Variants in SPINK5 observed in about 807,000 individuals in gnomAD.
SPINK5 encodes serine peptidase inhibitor Kazal type 5.
SPINK5 carries 125 observed loss-of-function variants against 151.8 expected under a neutral mutation model. That is an observed-to-expected ratio of 0.82 (90% CI 0.71 to 0.96). The LOEUF is 0.96. Among genes scored for constraint, SPINK5 ranks in the 40% least tolerant of loss-of-function variants. SPINK5 has a pLI of 0.00. For missense variants in SPINK5, 1,194 were observed against 1,291.9 expected (o/e 0.92, Z 1.16); for synonymous variants, 374 against 395.3 (o/e 0.95, Z 0.64).
chr5:148,107,105 T>G lies in SPINK5; in HGVS notation c.1548T>G (p.Pro516=), dbSNP rs747774853. ...GTLICTREHN[P]VRGPDGKMHG... is the part of the protein sequence containing the mutation. ...TTATATGCACCAGGGAGCATAATCC[T>G]GTCCGTGGCCCAGATGGCAAAATGC... Residue 516 remains proline (P), a synonymous_variant, in exon 17 of 33, where the codon CCT becomes CCG. Coordinates refer to ENST00000256084, the MANE Select transcript of SPINK5 (RefSeq NM_006846.4). 5.6e-6 allele frequency: 9 copies of G among 1,613,362 alleles called. No homozygotes were observed. Among genetic ancestry groups the G allele is most frequent in the Non-Finnish European group, 7.6e-6 (9 of 1,179,612 alleles).
chr5:148,110,976 C>CAAAAT (rs928368731), intron 18 of SPINK5, among the ~76,000 whole-genome samples: 1 of 151,772 alleles, frequency 6.6e-6, no homozygotes, highest in African/African-American at 2.4e-5. Context: ...TAAAATAAAA[C>CAAAAT]AAAATAAAAT....
intron 16 of SPINK5, 53 bp from the exon 17 acceptor site, chr5:148,106,984 G>T: frequency 1.9e-6 from 3 of 1,601,386 alleles, no homozygotes; most frequent in Non-Finnish European, 8.5e-7. Flanking sequence ...AATAGGAAAA[G>T]ATGCAGGAAG....
chr5:148,110,202 A>G (rs1753888997), intron 18 of SPINK5, among the ~76,000 whole-genome samples: 1 of 152,196 alleles, frequency 6.6e-6, no homozygotes, highest in Non-Finnish European at 1.5e-5. Flanking sequence ...AAACTTATTA[A>G]TGTATAACAG....
intron 5 of SPINK5, 131 bp downstream of exon 5, chr5:148,086,663 C>A: frequency 8.6e-7 from 1 of 1,167,854 alleles, no homozygotes; most frequent in Non-Finnish European, 1.2e-6. Context: ...ATTATTAGTA[C>A]CACTTCTTTT....
At chr5:148,113,729 TGTA>T (rs1422169592) in intron 20 of SPINK5, among the ~76,000 whole-genome samples, 1 of 127,922 alleles carries the variant, frequency 7.8e-6, no homozygotes, top group East Asian at 3.0e-4. Flanking sequence ...ATTGCACAGT[TGTA>T]ATAATTCTAA....
At chr5:148,069,568 G>A (rs1413831774) in intron 2 of SPINK5, among the ~76,000 whole-genome samples, 2 of 152,094 alleles carry the variant, frequency 1.3e-5, no homozygotes, top group African/African-American at 2.4e-5. Context: ...GATTCTGATG[G>A]TAGTGATAGT....
rs750103232 is a variant in SPINK5 at position 148,101,404 on chromosome 5, A to G, written c.1270A>G (p.Lys424Glu). The G allele has an allele frequency of 1.2e-6, 2 of 1,612,064 alleles. No homozygotes were observed. Among genetic ancestry groups the G allele is most frequent in the Admixed American group, 1.7e-5 (1 of 59,960 alleles). ...AAAGAAGGAAGGTAAATCAAGAAACAAAAGACAATCTAAGAGTACAGCTTC... is the reference window on the plus strand; with the variant it reads ...AAAGAAGGAAGGTAAATCAAGAAACGAAAGACAATCTAAGAGTACAGCTTC... ...KKKKEGKSRN[K>E]RQSKSTASFE... Residue 424 changes from lysine (K) to glutamate (E), a missense_variant, in exon 14 of 33, where the codon AAA (lysine) becomes GAA (glutamate). Coordinates refer to ENST00000256084, the MANE Select transcript of SPINK5 (RefSeq NM_006846.4).
chr5:148,133,134 C>G (rs1013310897), intron 31 of SPINK5, among the ~76,000 whole-genome samples: 7 of 152,018 alleles, frequency 4.6e-5, no homozygotes, highest in Admixed American at 4.6e-4. Flanking sequence ...GTTTGTTTAG[C>G]TAAGGGAGCT....
Position 148,107,395 on chromosome 5 carries a change from GT to G in SPINK5, c.1607+240del, listed in dbSNP as rs757703536. ...TCAAGGGAAAAAGCTCAATTTAATG[GT>G]TTTTTTTTAACACTTGATAATCTTC... On this transcript the variant is annotated intron_variant, in intron 17 of 32. Coordinates refer to ENST00000256084, the MANE Select transcript of SPINK5 (RefSeq NM_006846.4). Among the ~76,000 whole-genome samples, 969 of 151,184 alleles carry G rather than the reference GT, an allele frequency of 6.4e-3. 10 individuals are homozygous for G. The highest frequency in any genetic ancestry group is 0.021 in the African/African-American group (873 of 41,220).
intron 2 of SPINK5, 88 bp from the exon 3 acceptor site, chr5:148,070,235 A>ATATATGTATATGTCTG: frequency 6.8e-7 from 1 of 1,462,544 alleles, no homozygotes; most frequent in Non-Finnish European, 9.4e-7. Context: ...ATATATGCAG[A>ATATATGTATATGTCTG]CATATACATA....
At chr5:148,087,933 C>A (rs1388484770) in intron 5 of SPINK5, among the ~76,000 whole-genome samples, 1 of 151,202 alleles carries the variant, frequency 6.6e-6, no homozygotes, top group African/African-American at 2.4e-5. Context: ...TAGTTTTTTT[C>A]TTTATATTGT....
chr5:148,064,459 A>T (rs1752525105), intron 1 of SPINK5, among the ~76,000 whole-genome samples: 1 of 152,180 alleles, frequency 6.6e-6, no homozygotes, highest in Admixed American at 6.5e-5. Flanking sequence ...TTAATTGTAA[A>T]TAATATATGT....
intron 12 of SPINK5, 28 bp from the exon 13 acceptor site, chr5:148,100,425 TG>T: frequency 6.2e-7 from 1 of 1,603,022 alleles, no homozygotes; most frequent in Non-Finnish European, 8.5e-7. Flanking sequence ...ATGAAATATA[TG>T]GCCAACTTAC....
chr5:148,070,273 C>G (rs766484878), intron 2 of SPINK5, 50 bp from the exon 3 acceptor site: 2 of 1,596,902 alleles, frequency 1.3e-6, no homozygotes, highest in Admixed American at 3.4e-5. Flanking sequence ...CAAAATAAAG[C>G]TTGTTTTGAT....
At chr5:148,073,093 G>A (rs1269860101) in intron 4 of SPINK5, among the ~76,000 whole-genome samples, 1 of 151,868 alleles carries the variant, frequency 6.6e-6, no homozygotes, top group African/African-American at 2.4e-5. Context: ...ATGGGTTACT[G>A]ACAAAGCTGG....
intron 4 of SPINK5, among the ~76,000 whole-genome samples, chr5:148,078,147 A>G (rs919872215): frequency 1.3e-5 from 2 of 151,244 alleles, no homozygotes; most frequent in Admixed American, 1.3e-4. Flanking sequence ...AGGATTGGCT[A>G]TATTAATATG....
intron 4 of SPINK5, among the ~76,000 whole-genome samples, chr5:148,083,596 T>C (rs1436595558): frequency 6.6e-6 from 1 of 151,556 alleles, no homozygotes; most frequent in Non-Finnish European, 1.5e-5. Flanking sequence ...TCTGTGTCTA[T>C]TGTCAATTTC....
intron 18 of SPINK5, 114 bp from the exon 19 acceptor site, chr5:148,111,654 C>T (rs1427959717): frequency 8.6e-6 from 13 of 1,507,312 alleles, no homozygotes; most frequent in South Asian, 3.5e-5. Context: ...CAACCTTCAG[C>T]ATCACCTTTT....
intron 16 of SPINK5, 84 bp from the exon 17 acceptor site, chr5:148,106,953 T>A: frequency 2.5e-6 from 4 of 1,574,554 alleles, no homozygotes; most frequent in Non-Finnish European, 2.6e-6. Context: ...TACTTTTTAC[T>A]CTACGTTACA....
Sources: allele counts gnomAD v4.1 joint callset (sites outside exome capture counted in the v4.1 genomes callset), GRCh38; gene constraint gnomAD v4.1.1; transcripts MANE v1.5; gene names NCBI Gene and HGNC (gene_info 2026-07-23, HGNC 2026-07-21).